G2E3: variants seen among roughly 807,000 people sequenced by gnomAD.
The protein encoded by G2E3 is G2/M phase-specific E3 ubiquitin-protein ligase.
In G2E3, 35 loss-of-function variants were observed where a neutral mutation model predicts 92.8. The observed-to-expected ratio is 0.38, with a 90% CI of 0.29 to 0.50. The LOEUF (loss-of-function observed/expected upper bound fraction) is 0.50, where lower values mean the gene tolerates loss of function less well. Ranked by LOEUF, G2E3 falls within the 20% of genes least tolerant of loss-of-function variation. The pLI, the probability that G2E3 is intolerant of heterozygous loss-of-function variation, is 0.94. For missense variants in G2E3, 554 were observed against 823.8 expected (o/e 0.67, Z 4.01); for synonymous variants, 242 against 272.4 (o/e 0.89, Z 1.10).
Position 30,598,577 on chromosome 14 carries a change from C to A in G2E3, c.730C>A (p.Arg244=). ...DVRRCRCKEG[R]DYNAPDSKWE... ...TCGAAGATGTCGTTGCAAAGAAGGG[C>A]GAGACTATAATGCACCTGATAGGTA... Residue 244 remains arginine, a synonymous_variant, in exon 8 of 15, where the codon CGA becomes AGA. Coordinates refer to ENST00000206595, the MANE Select transcript of G2E3 (RefSeq NM_017769.5). 6.2e-7 allele frequency: 1 copy of A among 1,609,572 alleles called. No homozygotes were observed. Among genetic ancestry groups the A allele is most frequent in the Non-Finnish European group, 8.5e-7 (1 of 1,175,912 alleles).
At chr14:30,597,847 G>A (rs547542321) in intron 7 of G2E3, among the ~76,000 whole-genome samples, 1 of 152,086 alleles carries the variant, frequency 6.6e-6, no homozygotes, top group East Asian at 1.9e-4. Flanking sequence ...AAATATGTAA[G>A]AATTTTTTTA....
chr14:30,596,200 A>G lies in G2E3; in HGVS notation c.529-1220A>G, dbSNP rs141561719. 1.2e-3 allele frequency among the ~76,000 whole-genome samples: 176 copies of G among 150,682 alleles called. 1 individual carries two copies. The East Asian group carries it at 0.029, about 25-fold the overall frequency. On this transcript the variant is annotated intron_variant, in intron 6 of 14. Coordinates refer to ENST00000206595, the MANE Select transcript of G2E3 (RefSeq NM_017769.5). ...ATTGTCTGAACCTGGAATCCTCTTT[A>G]TTAGCTTCTCTCTTCACCATCCGTA...
intron 3 of G2E3, among the ~76,000 whole-genome samples, chr14:30,587,860 T>C (rs1880799640): frequency 6.6e-6 from 1 of 152,332 alleles, no homozygotes; most frequent in South Asian, 2.1e-4. Flanking sequence ...TCACTTTTGC[T>C]TTATTCTGTT....
chr14:30,590,781 A>G (rs944928087), intron 4 of G2E3: 9 of 455,252 alleles, frequency 2.0e-5, no homozygotes, highest in South Asian at 1.2e-4. Context: ...TTAGTATCAT[A>G]ATTCCTAAAC....
chr14:30,599,385 G>C (rs1341781380), intron 8 of G2E3, among the ~76,000 whole-genome samples: 2 of 152,062 alleles, frequency 1.3e-5, no homozygotes, highest in Non-Finnish European at 1.5e-5. Flanking sequence ...ATGCCACCAT[G>C]CCTGGCTAAT....
chr14:30,579,036 T>C (rs1305705856), intron 1 of G2E3, among the ~76,000 whole-genome samples: 1 of 152,244 alleles, frequency 6.6e-6, no homozygotes, highest in African/African-American at 2.4e-5. Context: ...TGATGTTCTA[T>C]AGATTGTGAT....
chr14:30,560,551 C>CAGAGACAT, intron 1 of G2E3: 1 of 481,728 alleles, frequency 2.1e-6, no homozygotes, highest in Middle Eastern at 5.4e-4. Flanking sequence ...GTCTTTGTAA[C>CAGAGACAT]AGAGACATTG....
Position 30,586,711 on chromosome 14 carries a change from C to T in G2E3, c.38-7C>T. The T allele has an allele frequency of 9.3e-7, 1 of 1,076,502 alleles. No homozygotes were observed. Among genetic ancestry groups the T allele is most frequent in the Non-Finnish European group, 1.3e-6 (1 of 741,606 alleles). The allele number at this position is 1,076,502 out of a possible 1,614,324, so 66.7% of individuals were successfully genotyped here. A position where few individuals can be genotyped will look rare whatever the true frequency, so the allele number is the denominator to read the frequency against. On this transcript the variant is annotated splice_polypyrimidine_tract_variant and splice_region_variant and intron_variant, in intron 2 of 14. Coordinates refer to ENST00000206595, the MANE Select transcript of G2E3 (RefSeq NM_017769.5). Reference sequence around the variant, plus strand: ...ATTTTTATATCTATTTACTTTTTCACTGTTAGCTTGTGTTTTCTGTCGAAA... The same window carrying T: ...ATTTTTATATCTATTTACTTTTTCATTGTTAGCTTGTGTTTTCTGTCGAAA...
At chr14:30,605,330 A>G (rs186574708) in intron 10 of G2E3, among the ~76,000 whole-genome samples, 175 bp from the exon 11 acceptor site, 1 of 152,310 alleles carries the variant, frequency 6.6e-6, no homozygotes, top group East Asian at 1.9e-4. Context: ...TAAGATTATC[A>G]AATAACTGTT....
rs1392318005 is a variant in G2E3 at position 30,586,732 on chromosome 14, C to G, written c.52C>G (p.Arg18Gly). The G allele has an allele frequency of 1.5e-6, 2 of 1,354,648 alleles. No homozygotes were observed. Among genetic ancestry groups the G allele is most frequent in the African/African-American group, 1.5e-5 (1 of 67,074 alleles). 83.9% of individuals were successfully genotyped at this position (1,354,648 alleles called of 1,614,324 possible). A position where few individuals can be genotyped will look rare whatever the true frequency, so the allele number is the denominator to read the frequency against. ...DSQNLACVFC[R>G]KHDDCPNKYG... The stretch of plus-strand genomic sequence containing the variant: ...TTCACTGTTAGCTTGTGTTTTCTGT[C>G]GAAAACATGATGACTGTCCTAATAA... Residue 18 changes from arginine to glycine, a missense_variant, in exon 3 of 15, where the codon CGA becomes GGA. By Grantham distance (125) the Arg-to-Gly change is moderately radical. Coordinates refer to ENST00000206595, the MANE Select transcript of G2E3 (RefSeq NM_017769.5).
chr14:30,605,473 C>T, intron 10 of G2E3, 32 bp from the exon 11 acceptor site: 1 of 870,040 alleles, frequency 1.1e-6, no homozygotes, highest in Non-Finnish European at 1.8e-6. Flanking sequence ...CTTTAAAGTA[C>T]TTATCTCTAT....
Position 30,599,518 on chromosome 14 carries a change from C to T in G2E3, c.752+919C>T, listed in dbSNP as rs551925871. ...CTGGGATTACAGGCATGAGCCACTG[C>T]GCTCGGCCATAATTACCTCTTAAAA... On this transcript the variant is annotated intron_variant, in intron 8 of 14. Transcript: ENST00000206595. Among the ~76,000 whole-genome samples the T allele has an allele frequency of 1.3e-4, 20 of 152,182 alleles. No homozygotes were observed. In the South Asian group the frequency reaches 2.5e-3, roughly 19 times the overall value.
intron 11 of G2E3, among the ~76,000 whole-genome samples, chr14:30,607,443 T>A (rs1353846741): frequency 1.3e-5 from 2 of 152,182 alleles, no homozygotes; most frequent in Admixed American, 1.3e-4. Context: ...TACTGAATAC[T>A]GTAGACAATT....
At chr14:30,594,886 T>C (rs1391080842) in intron 6 of G2E3, among the ~76,000 whole-genome samples, 1 of 150,860 alleles carries the variant, frequency 6.6e-6, no homozygotes, top group Non-Finnish European at 1.5e-5. Context: ...CCCAGCATTC[T>C]GGGAGGCCGA....
At chr14:30,613,710 A>T (rs229241) in intron 13 of G2E3, among the ~76,000 whole-genome samples, 13,466 of 149,582 alleles carry the variant, frequency 0.09, 1,002 homozygotes, top group African/African-American at 0.21. Flanking sequence ...TTTTTTTTTT[A>T]AAATCAAACT....
chr14:30,605,747 A>G lies in G2E3; in HGVS notation c.1253A>G (p.Gln418Arg), dbSNP rs1881802633. The stretch of plus-strand genomic sequence containing the variant: ...CAAGAATTTCTGAGTCTCTTAATGC[A>G]ACATCTTGAGAACTCATCATTGTTT... ...SKQEFLSLLM[Q>R]HLENSSLFEG... Residue 418 changes from glutamine to arginine, a missense_variant, in exon 11 of 15, where the codon CAA becomes CGA. Transcript: ENST00000206595. The G allele has an allele frequency of 6.2e-7, 1 of 1,605,788 alleles. No individual in the cohort carries two copies. Among genetic ancestry groups the G allele is most frequent in the Non-Finnish European group, 8.5e-7 (1 of 1,175,912 alleles).
rs933372487 is a variant in G2E3, at chr14:30,582,048, A to G, written c.37+932A>G. ...AAATTTATGCTCCTAAACCTCTTCT[A>G]CTTTCTTTCCCTGCTTCTACCTCCA... On this transcript the variant is annotated intron_variant, in intron 2 of 14. Transcript: ENST00000206595. Among the ~76,000 whole-genome samples, 9 of 152,296 alleles carry G rather than the reference A, an allele frequency of 5.9e-5. No homozygotes were observed. The East Asian group carries it at 1.4e-3, about 23-fold the overall frequency.
At chr14:30,611,420 T>A (rs906831799) in intron 12 of G2E3, 1 of 152,220 alleles carries the variant, frequency 6.6e-6, no homozygotes, top group Non-Finnish European at 1.5e-5. Flanking sequence ...AAATTGCAAG[T>A]AAATTTTCTG....
At chr14:30,563,036 G>C (rs1265484494) in intron 1 of G2E3, among the ~76,000 whole-genome samples, 1 of 152,028 alleles carries the variant, frequency 6.6e-6, no homozygotes, top group Non-Finnish European at 1.5e-5. Context: ...GTGGTCCCCC[G>C]GGCCCAGCTG....
Sources: gnomAD v4.1 joint callset for allele counts (sites outside exome capture counted in the v4.1 genomes callset) on GRCh38, gnomAD v4.1.1 for gene constraint, MANE v1.5 for transcripts, NCBI Gene and HGNC (gene_info 2026-07-23, HGNC 2026-07-21) for gene names.